Variants in RIT2 observed in about 807,000 individuals in gnomAD.
RIT2 encodes the protein GTP-binding protein Rit2.
Under a neutral mutation model 23.7 loss-of-function variants are expected in RIT2, and 24 were observed. The ratio of observed to expected loss-of-function variants is 1.01; its 90% confidence interval spans 0.73 to 1.43. The LOEUF (loss-of-function observed/expected upper bound fraction) is 1.43. RIT2 is among the 40% of genes most tolerant of loss of function. RIT2 has a pLI of 0.00. For synonymous variants in RIT2, 107 were observed against 91.1 expected (o/e 1.17, Z -0.99); for missense variants, 236 against 266.9 (o/e 0.88, Z 0.81).
At chr18:42,777,209 T>C (rs1356799203) in intron 4 of RIT2, among the ~76,000 whole-genome samples, 1 of 151,818 alleles carries the variant, frequency 6.6e-6, no homozygotes, top group Non-Finnish European at 1.5e-5. Flanking sequence ...ATCTTTCAGT[T>C]TGAAATAAAA....
intron 4 of RIT2, among the ~76,000 whole-genome samples, chr18:42,782,321 T>C (rs984183090): frequency 6.6e-6 from 1 of 152,182 alleles, no homozygotes; most frequent in African/African-American, 2.4e-5. Context: ...CTTAGTGTTA[T>C]ATAATATGTT....
intron 4 of RIT2, among the ~76,000 whole-genome samples, chr18:42,827,174 C>T (rs16976981): frequency 0.021 from 3,145 of 152,164 alleles, 118 homozygotes; most frequent in African/African-American, 0.069. Context: ...GAACAGAATA[C>T]AGGGTTTAGA....
At chr18:42,878,435 G>A (rs189000771) in intron 4 of RIT2, among the ~76,000 whole-genome samples, 1 of 151,794 alleles carries the variant, frequency 6.6e-6, no homozygotes, top group Non-Finnish European at 1.5e-5. Context: ...TTGTCTTCAG[G>A]TTGAGTAGGC....
At chr18:42,943,077 G>C (rs1453801643) in intron 3 of RIT2, among the ~76,000 whole-genome samples, 1 of 152,100 alleles carries the variant, frequency 6.6e-6, no homozygotes, top group African/African-American at 2.4e-5. Context: ...AAGAGGGAAA[G>C]AACAAAGCTC....
intron 2 of RIT2, among the ~76,000 whole-genome samples, chr18:42,997,097 C>A (rs1403882720): frequency 6.6e-6 from 1 of 152,096 alleles, no homozygotes; most frequent in Non-Finnish European, 1.5e-5. Context: ...TGCACCAGAG[C>A]AAAAGACAAG....
chr18:43,080,141 G>A (rs963639675), intron 1 of RIT2, among the ~76,000 whole-genome samples: 2 of 152,222 alleles, frequency 1.3e-5, no homozygotes, highest in South Asian at 4.2e-4. Flanking sequence ...AGACTTTCAG[G>A]CCACCAATCT....
chr18:42,893,171 T>A (rs1395320501), intron 4 of RIT2, among the ~76,000 whole-genome samples: 1 of 140,782 alleles, frequency 7.1e-6, no homozygotes, highest in Non-Finnish European at 1.5e-5. Flanking sequence ...GAAGTTACAG[T>A]GAGCCAAGAT....
Position 42,965,711 on chromosome 18 carries a change from CTTTTTTTTTTTTTTTT to C in RIT2, c.234+8347_234+8362del, listed in dbSNP as rs58344278. 4.7e-3 allele frequency among the ~76,000 whole-genome samples: 178 copies of C among 37,790 alleles called. 1 individual carries two copies. The highest frequency in any genetic ancestry group is 0.014 in the African/African-American group (150 of 10,618). 24.8% of individuals were successfully genotyped at this position (37,790 alleles called of 152,430 possible). Reference sequence around the variant, plus strand: ...GGTAAACAAAGATGTGTACTGATGGCTTTTTTTTTTTTTTTTTTTTTTTTTTTTTTTTTTCAGAATT... The same window carrying C: ...GGTAAACAAAGATGTGTACTGATGGCTTTTTTTTTTTTTTTTTTCAGAATT... On this transcript the variant is annotated intron_variant, in intron 3 of 4. Coordinates refer to ENST00000326695, the MANE Select transcript of RIT2 (RefSeq NM_002930.4).
chr18:42,991,076 C>T (rs936490289), intron 2 of RIT2, among the ~76,000 whole-genome samples: 15 of 151,980 alleles, frequency 9.9e-5, no homozygotes, highest in Admixed American at 3.3e-4. Flanking sequence ...AGAACCTTTT[C>T]GGAAACCATA....
chr18:42,936,923 A>C (rs1356368518), intron 3 of RIT2, among the ~76,000 whole-genome samples: 5 of 152,036 alleles, frequency 3.3e-5, no homozygotes, highest in African/African-American at 1.2e-4. Flanking sequence ...GAGGCAGGGG[A>C]ATCGCTTGAA....
intron 4 of RIT2, among the ~76,000 whole-genome samples, chr18:42,820,303 A>G (rs1906111760): frequency 6.6e-6 from 1 of 152,126 alleles, no homozygotes; most frequent in African/African-American, 2.4e-5. Flanking sequence ...ATACAGATGA[A>G]CATCATCAGG....
intron 1 of RIT2, among the ~76,000 whole-genome samples, chr18:43,088,599 A>G (rs1913342972): frequency 6.6e-6 from 1 of 152,208 alleles, no homozygotes; most frequent in Admixed American, 6.6e-5. Context: ...TTTTATTAAC[A>G]GCAAAATTCA....
chr18:42,764,885 A>T (rs1339142441), intron 4 of RIT2, among the ~76,000 whole-genome samples: 2 of 152,218 alleles, frequency 1.3e-5, no homozygotes, highest in Non-Finnish European at 2.9e-5. Flanking sequence ...ATGCAGTCTT[A>T]CTTACTTTGT....
At chr18:42,967,124 AT>A (rs1254613198) in intron 3 of RIT2, among the ~76,000 whole-genome samples, 2 of 152,062 alleles carry the variant, frequency 1.3e-5, no homozygotes, top group African/African-American at 4.8e-5. Context: ...TTTGTGAAAA[AT>A]ATCATAAAGG....
At chr18:42,953,341 C>G (rs2144176033) in intron 3 of RIT2, among the ~76,000 whole-genome samples, 1 of 151,898 alleles carries the variant, frequency 6.6e-6, no homozygotes, top group South Asian at 2.1e-4. Flanking sequence ...AAAGAAATAC[C>G]AAGAATCAAT....
At chr18:42,983,441 G>A (rs913859858) in intron 2 of RIT2, among the ~76,000 whole-genome samples, 1 of 151,670 alleles carries the variant, frequency 6.6e-6, no homozygotes, top group African/African-American at 2.4e-5. Context: ...CAAAATCAAA[G>A]TCTTAGAATT....
At chr18:43,027,785 T>A (rs1027336462) in intron 2 of RIT2, among the ~76,000 whole-genome samples, 3 of 152,116 alleles carry the variant, frequency 2.0e-5, no homozygotes, top group Non-Finnish European at 4.4e-5. Flanking sequence ...ACGGTTATAC[T>A]CAGCTGCTCC....
intron 4 of RIT2, among the ~76,000 whole-genome samples, chr18:42,839,516 T>G (rs1473087089): frequency 2.0e-5 from 3 of 152,154 alleles, no homozygotes; most frequent in African/African-American, 7.2e-5. Flanking sequence ...TTAAATGATT[T>G]CCTCAAGAAA....
At chr18:42,867,684 C>T (rs914144677) in intron 4 of RIT2, among the ~76,000 whole-genome samples, 4 of 151,900 alleles carry the variant, frequency 2.6e-5, no homozygotes, top group African/African-American at 7.3e-5. Flanking sequence ...GTCCCAGCTA[C>T]TCAGGAGGCT....
Sources: gnomAD v4.1 joint callset for allele counts (sites outside exome capture counted in the v4.1 genomes callset) on GRCh38, gnomAD v4.1.1 for gene constraint, MANE v1.5 for transcripts, NCBI Gene and HGNC (gene_info 2026-07-23, HGNC 2026-07-21) for gene names.